The following OR6N1 variants were observed in gnomAD, a reference collection of about 807,000 sequenced individuals.
OR6N1 encodes olfactory receptor family 6 subfamily N member 1.
For synonymous variants in OR6N1, 170 were observed against 150.7 expected (o/e 1.13, Z -0.94); for missense variants, 394 against 371.7 (o/e 1.06, Z -0.49).
the OR6N1 span, among the ~76,000 whole-genome samples, chr1:158,816,946 C>G: frequency 6.6e-6 from 1 of 152,242 alleles, no homozygotes; most frequent in African/African-American, 2.4e-5. Flanking sequence ...GAGAAAGTCT[C>G]ACCACAGTCA....
chr1:158,815,724 C>T, the OR6N1 span, among the ~76,000 whole-genome samples: 2 of 152,130 alleles, frequency 1.3e-5, no homozygotes, highest in Non-Finnish European at 2.9e-5. Flanking sequence ...ATTTTACATG[C>T]TTTACATGTT....
At chr1:158,805,726 G>A in the OR6N1 span, among the ~76,000 whole-genome samples, 1 of 152,142 alleles carries the variant, frequency 6.6e-6, no homozygotes. Flanking sequence ...GCTATAAATG[G>A]ATCTTAAAAA....
At chr1:158,836,543 T>G in the OR6N1 span, among the ~76,000 whole-genome samples, 2 of 151,922 alleles carry the variant, frequency 1.3e-5, no homozygotes, top group Admixed American at 1.3e-4. Flanking sequence ...AGTATTCTCT[T>G]TATTTCTGTG....
At chr1:158,806,232 G>A in the OR6N1 span, among the ~76,000 whole-genome samples, 1 of 152,102 alleles carries the variant, frequency 6.6e-6, no homozygotes. Flanking sequence ...CCATGTATTT[G>A]GGAAACAGCA....
the OR6N1 span, chr1:158,777,580 C>G: frequency 1.2e-6 from 2 of 1,614,042 alleles, no homozygotes; most frequent in Non-Finnish European, 1.7e-6. Context: ...ATAGCCCACA[C>G]TGGCAAAGCC....
At chr1:158,783,900 A>C in the OR6N1 span, among the ~76,000 whole-genome samples, 1 of 152,126 alleles carries the variant, frequency 6.6e-6, no homozygotes, top group Non-Finnish European at 1.5e-5. Flanking sequence ...AGGTCAGGAG[A>C]TCGAGACCAT....
upstream of OR6N1, chr1:158,776,832 C>G (rs778785305): frequency 7.4e-6 from 12 of 1,613,954 alleles, no homozygotes; most frequent in Admixed American, 1.8e-4. Flanking sequence ...GGTCAAGGGT[C>G]AGGGAATAGC....
the OR6N1 span, among the ~76,000 whole-genome samples, chr1:158,823,473 C>T: frequency 1.3e-5 from 2 of 152,148 alleles, no homozygotes; most frequent in Admixed American, 6.5e-5. Flanking sequence ...CCTATTTCTT[C>T]TAGGTTTTCT....
chr1:158,831,826 A>G, the OR6N1 span, among the ~76,000 whole-genome samples: 1 of 152,164 alleles, frequency 6.6e-6, no homozygotes, highest in Non-Finnish European at 1.5e-5. Flanking sequence ...TGATATTTAG[A>G]GGAGATACTT....
At chr1:158,825,739 C>T in the OR6N1 span, among the ~76,000 whole-genome samples, 7 of 152,126 alleles carry the variant, frequency 4.6e-5, no homozygotes, top group East Asian at 1.3e-3. Flanking sequence ...GAACTTAAAA[C>T]AGAATTACCA....
At chr1:158,779,628 C>T in the OR6N1 span, among the ~76,000 whole-genome samples, 3 of 152,166 alleles carry the variant, frequency 2.0e-5, no homozygotes, top group African/African-American at 7.2e-5. Context: ...CTCTTCTAAC[C>T]TAAAGAGACT....
the OR6N1 span, among the ~76,000 whole-genome samples, chr1:158,820,203 A>G: frequency 0.19 from 29,469 of 152,204 alleles, 3,057 homozygotes; most frequent in Admixed American, 0.27. Flanking sequence ...CCCTGGGTGG[A>G]ACAGGTGTTC....
the OR6N1 span, among the ~76,000 whole-genome samples, chr1:158,796,469 T>C: frequency 6.6e-6 from 1 of 152,200 alleles, no homozygotes; most frequent in Non-Finnish European, 1.5e-5. Flanking sequence ...TTGAGCTCAC[T>C]GGTTCTTTCC....
the OR6N1 span, among the ~76,000 whole-genome samples, chr1:158,830,943 A>G: frequency 6.6e-6 from 1 of 152,180 alleles, no homozygotes; most frequent in Admixed American, 6.5e-5. Context: ...ACCCACCCCT[A>G]TCCAAGAGAT....
At chr1:158,819,342 T>C in the OR6N1 span, among the ~76,000 whole-genome samples, 4 of 152,184 alleles carry the variant, frequency 2.6e-5, no homozygotes, top group African/African-American at 9.7e-5. Context: ...ATTTCCTACA[T>C]TCACAGGAGT....
chr1:158,820,723 C>A, the OR6N1 span, among the ~76,000 whole-genome samples: 3 of 152,274 alleles, frequency 2.0e-5, no homozygotes, highest in East Asian at 3.9e-4. Context: ...TACTTATAGA[C>A]CAAACTGCTT....
At chr1:158,777,286 G>A in the OR6N1 span, 1 of 1,614,114 alleles carries the variant, frequency 6.2e-7, no homozygotes, top group Non-Finnish European at 8.5e-7. Context: ...ATAGGCCATG[G>A]CTGTAAGAAG....
the OR6N1 span, among the ~76,000 whole-genome samples, chr1:158,833,776 A>T: frequency 6.6e-6 from 1 of 152,144 alleles, no homozygotes; most frequent in African/African-American, 2.4e-5. Context: ...TAATACTTTC[A>T]CATTTTTCTG....
At position 158,765,707 on chromosome 1, in the gene OR6N1, T is replaced by A; in HGVS notation, c.*37A>T. On this transcript the variant is annotated 3_prime_UTR_variant, in exon 2 of 2. Transcript: ENST00000641846. ...ACTGTTGATCCCTGGGGCCACCATA[T>A]CCTCAGGCCCGGCCTTGGCCTACTC... 1 of 1,534,594 alleles carries A rather than the reference T, an allele frequency of 6.5e-7. No homozygotes were observed. The highest frequency in any genetic ancestry group is 8.9e-7 in the Non-Finnish European group (1 of 1,119,128).
Sources: allele counts gnomAD v4.1 joint callset (sites outside exome capture counted in the v4.1 genomes callset), GRCh38; gene constraint gnomAD v4.1.1; transcripts MANE v1.5; gene names NCBI Gene and HGNC (gene_info 2026-07-23, HGNC 2026-07-21).